Variants in LRRC4C observed in about 807,000 individuals in gnomAD.
LRRC4C encodes the protein leucine rich repeat containing 4C.
Under a neutral mutation model 33.6 loss-of-function variants are expected in LRRC4C, and 5 were observed. The ratio of observed to expected loss-of-function variants is 0.15; its 90% CI spans 0.08 to 0.31. The LOEUF (loss-of-function observed/expected upper bound fraction) is 0.31, where lower values mean the gene tolerates loss of function less well. Ranked by LOEUF, LRRC4C falls within the 10% of genes least tolerant of loss-of-function variation. The pLI is 1.00. For missense variants in LRRC4C, 560 were observed against 796.7 expected, an observed-to-expected ratio of 0.70 and a Z score of 3.58; for synonymous variants, 329 against 302.0, an observed-to-expected ratio of 1.09 and a Z score of -0.93.
intron 1 of LRRC4C, among the ~76,000 whole-genome samples, chr11:40,944,439 A>C (rs1403015644): frequency 6.6e-6 from 1 of 152,198 alleles, no homozygotes; most frequent in Non-Finnish European, 1.5e-5. Context: ...TTGAAGCTCC[A>C]CTGGAAAGGA....
intron 2 of LRRC4C, among the ~76,000 whole-genome samples, chr11:40,784,630 T>C (rs1168520573): frequency 6.6e-6 from 1 of 152,234 alleles, no homozygotes; most frequent in Non-Finnish European, 1.5e-5. Context: ...TGTTTGCAGA[T>C]ATTTTTGTTA....
At chr11:41,425,883 G>A (rs1031972419) in intron 1 of LRRC4C, among the ~76,000 whole-genome samples, 4 of 152,116 alleles carry the variant, frequency 2.6e-5, no homozygotes, top group Non-Finnish European at 2.9e-5. Flanking sequence ...GAGCACGTGG[G>A]TAAGGGATAG....
intron 1 of LRRC4C, among the ~76,000 whole-genome samples, chr11:41,325,529 T>G (rs867230614): frequency 1.6e-4 from 24 of 151,136 alleles, no homozygotes; most frequent in African/African-American, 5.1e-4. Context: ...CTCCCAAAAC[T>G]ATGTTTCACT....
chr11:40,887,999 C>A (rs995217896), intron 2 of LRRC4C, among the ~76,000 whole-genome samples: 7 of 151,798 alleles, frequency 4.6e-5, no homozygotes, highest in Admixed American at 3.3e-4. Context: ...GATATATAGT[C>A]TTATAAAGAA....
intron 1 of LRRC4C, among the ~76,000 whole-genome samples, chr11:41,123,261 GTTTTTTTTTTTTTT>G (rs1217714729): frequency 4.2e-5 from 2 of 48,086 alleles, no homozygotes; most frequent in African/African-American, 1.2e-4. Flanking sequence ...GCTATGTTTT[GTTTTTTTTTTTTTT>G]TTTTTTTTTT....
At chr11:41,232,784 G>A (rs1052252375) in intron 1 of LRRC4C, among the ~76,000 whole-genome samples, 7 of 127,830 alleles carry the variant, frequency 5.5e-5, no homozygotes, top group Admixed American at 7.6e-5. Flanking sequence ...ACACACACAC[G>A]TCATAGTGAA....
chr11:40,157,890 T>C (rs893601423), intron 5 of LRRC4C, among the ~76,000 whole-genome samples: 3 of 152,038 alleles, frequency 2.0e-5, no homozygotes, highest in Non-Finnish European at 4.4e-5. Flanking sequence ...CTACCATTTG[T>C]TCCAGCAATT....
intron 4 of LRRC4C, among the ~76,000 whole-genome samples, chr11:40,259,714 A>G (rs1867532106): frequency 6.6e-6 from 1 of 152,086 alleles, no homozygotes; most frequent in South Asian, 2.1e-4. Flanking sequence ...CAAAGATCAG[A>G]TAGTTGTAGA....
chr11:41,420,025 G>A (rs1054389020), intron 1 of LRRC4C, among the ~76,000 whole-genome samples: 2 of 151,780 alleles, frequency 1.3e-5, no homozygotes, highest in African/African-American at 4.8e-5. Context: ...CCTTCGATGC[G>A]GTGGGAGAAG....
intron 1 of LRRC4C, among the ~76,000 whole-genome samples, chr11:41,185,737 T>C (rs1039586266): frequency 2.6e-5 from 4 of 152,172 alleles, no homozygotes; most frequent in Non-Finnish European, 5.9e-5. Context: ...TAAATGAATA[T>C]ACTGCACTAA....
At chr11:41,226,723 T>G (rs1410940273) in intron 1 of LRRC4C, among the ~76,000 whole-genome samples, 2 of 142,256 alleles carry the variant, frequency 1.4e-5, no homozygotes, top group African/African-American at 2.7e-5. Context: ...CCTGTTCACA[T>G]GCTAAAATCC....
intron 1 of LRRC4C, among the ~76,000 whole-genome samples, chr11:41,174,901 A>G (rs530977893): frequency 6.6e-6 from 1 of 152,096 alleles, no homozygotes; most frequent in South Asian, 2.1e-4. Context: ...CAATATTCTC[A>G]CTTTAATATT....
At chr11:40,135,384 A>C (rs534143886) in intron 6 of LRRC4C, among the ~76,000 whole-genome samples, 2 of 152,312 alleles carry the variant, frequency 1.3e-5, no homozygotes, top group South Asian at 2.1e-4. Flanking sequence ...AATCTTGCAA[A>C]ACTAGGATTC....
At chr11:41,021,861 A>T (rs1447461173) in intron 1 of LRRC4C, among the ~76,000 whole-genome samples, 1 of 152,034 alleles carries the variant, frequency 6.6e-6, no homozygotes, top group Non-Finnish European at 1.5e-5. Context: ...TTATGATAGT[A>T]TACCACATCA....
chr11:40,997,864 C>A (rs746987108), intron 1 of LRRC4C, among the ~76,000 whole-genome samples: 8 of 152,162 alleles, frequency 5.3e-5, no homozygotes, highest in Middle Eastern at 3.4e-3. Flanking sequence ...CTTCAAGGAG[C>A]CTTTTTAAGG....
At chr11:40,679,886 G>C (rs113830225) in intron 2 of LRRC4C, among the ~76,000 whole-genome samples, 1,876 of 152,218 alleles carry the variant, frequency 0.012, 38 homozygotes, top group African/African-American at 0.043. Context: ...TGTGAGAAGA[G>C]GGCCACCATC....
At chr11:41,362,847 T>C (rs1034820373) in intron 1 of LRRC4C, among the ~76,000 whole-genome samples, 2 of 152,006 alleles carry the variant, frequency 1.3e-5, no homozygotes, top group Non-Finnish European at 2.9e-5. Context: ...CAGTATAAAA[T>C]CTTTTCTGTC....
intron 1 of LRRC4C, among the ~76,000 whole-genome samples, chr11:41,163,702 C>T (rs548816728): frequency 6.0e-4 from 91 of 152,084 alleles, no homozygotes; most frequent in African/African-American, 2.1e-3. Flanking sequence ...ACCTCCACCT[C>T]CTGGGTTCAA....
chr11:41,065,283 A>G (rs1345763724), intron 1 of LRRC4C, among the ~76,000 whole-genome samples: 1 of 152,034 alleles, frequency 6.6e-6, no homozygotes, highest in Non-Finnish European at 1.5e-5. Flanking sequence ...GGAAACTGGG[A>G]GGTTTGGACT....
Sources: allele counts gnomAD v4.1 joint callset (sites outside exome capture counted in the v4.1 genomes callset), GRCh38; gene constraint gnomAD v4.1.1; transcripts MANE v1.5; gene names NCBI Gene and HGNC (gene_info 2026-07-23, HGNC 2026-07-21).